Variants in SLIT3 observed in about 807,000 individuals in gnomAD.
The protein encoded by SLIT3 is slit guidance ligand 3.
Under a neutral mutation model 184.0 loss-of-function variants are expected in SLIT3, and 68 were observed. The observed-to-expected ratio is 0.37, with a 90% confidence interval of 0.30 to 0.45. The LOEUF (loss-of-function observed/expected upper bound fraction) is 0.45, where lower values mean the gene tolerates loss of function less well. Ranked by LOEUF, SLIT3 falls within the 20% of genes least tolerant of loss-of-function variation. The pLI is 1.00. For synonymous variants in SLIT3, 831 were observed against 828.6 expected (o/e 1.00, Z -0.05); for missense variants, 1,707 against 2,026.0 (o/e 0.84, Z 3.02).
intron 20 of SLIT3, among the ~76,000 whole-genome samples, chr5:168,740,624 C>A (rs945827278): frequency 6.6e-6 from 1 of 152,118 alleles, no homozygotes; most frequent in Non-Finnish European, 1.5e-5. Context: ...TTCTTTGACA[C>A]TCATTCTCCT....
At chr5:168,761,471 C>T (rs1427761654) in intron 15 of SLIT3, among the ~76,000 whole-genome samples, 1 of 152,056 alleles carries the variant, frequency 6.6e-6, no homozygotes, top group Non-Finnish European at 1.5e-5. Context: ...AGACCACTAC[C>T]ACTCATCCAG....
At chr5:169,183,488 C>G (rs297878) in intron 4 of SLIT3, among the ~76,000 whole-genome samples, 120,396 of 152,068 alleles carry the variant, frequency 0.79, 47,947 homozygotes, top group East Asian at 0.87. Flanking sequence ...GTTGGTCCCA[C>G]ATTTCACCAT....
At chr5:169,292,137 C>T (rs553390658) in intron 1 of SLIT3, among the ~76,000 whole-genome samples, 5 of 152,164 alleles carry the variant, frequency 3.3e-5, no homozygotes, top group Non-Finnish European at 5.9e-5. Flanking sequence ...GTGCCCGATG[C>T]CAATGTGTAC....
rs1215437075 is a variant in SLIT3, at chr5:168,665,560, C to A, written c.*894G>T. On this transcript the variant is annotated 3_prime_UTR_variant, in exon 36 of 36. Transcript: ENST00000519560. Reference sequence around the variant, plus strand: ...CTTCCCTCGCCTCCTCTAGGAAGACCCCTCTCCTGGGGAGGAGCAGGAAAA... The same window carrying A: ...CTTCCCTCGCCTCCTCTAGGAAGACACCTCTCCTGGGGAGGAGCAGGAAAA... 6.6e-6 allele frequency: 1 copy of A among 152,280 alleles called. No individual in the cohort carries two copies. Among genetic ancestry groups the A allele is most frequent in the Non-Finnish European group, 1.5e-5 (1 of 68,104 alleles). 9.4% of individuals were successfully genotyped at this position (152,280 alleles called of 1,614,324 possible). A position where few individuals can be genotyped will look rare whatever the true frequency, so the allele number is the denominator to read the frequency against.
intron 3 of SLIT3, among the ~76,000 whole-genome samples, chr5:169,221,057 C>T (rs1028583324): frequency 6.6e-6 from 1 of 152,218 alleles, no homozygotes; most frequent in African/African-American, 2.4e-5. Context: ...GGGTGGGACA[C>T]CCCTGAGATC....
chr5:168,969,649 T>A (rs2113316389), intron 4 of SLIT3, among the ~76,000 whole-genome samples: 1 of 152,320 alleles, frequency 6.6e-6, no homozygotes, highest in East Asian at 1.9e-4. Flanking sequence ...TAGATGGTTT[T>A]CTGACAGGTT....
intron 5 of SLIT3, among the ~76,000 whole-genome samples, chr5:168,872,381 T>C (rs1230620514): frequency 5.3e-5 from 8 of 152,124 alleles, no homozygotes; most frequent in African/African-American, 1.4e-4. Context: ...CGGTGAACTC[T>C]AATGTAAACT....
chr5:168,737,082 C>T lies in SLIT3; in HGVS notation c.2270+11220G>A, dbSNP rs754035039. Among the ~76,000 whole-genome samples, 3 of 152,268 alleles carry T rather than the reference C, an allele frequency of 2.0e-5. No homozygotes were observed. In the South Asian group the frequency reaches 6.2e-4, roughly 32 times the overall value. ...TGGTTTGTAGCATAGGCAGGACATTCTTGCTTGCTTTCTTAAAGGCCAGGT... is the reference window on the plus strand; with the variant it reads ...TGGTTTGTAGCATAGGCAGGACATTTTTGCTTGCTTTCTTAAAGGCCAGGT... On this transcript the variant is annotated intron_variant, in intron 20 of 35. Transcript: ENST00000519560.
At chr5:169,214,980 C>T (rs911745514) in intron 3 of SLIT3, among the ~76,000 whole-genome samples, 3 of 152,174 alleles carry the variant, frequency 2.0e-5, no homozygotes, top group Admixed American at 6.5e-5. Context: ...CTGAAAGGGG[C>T]ACCTCCTTGC....
intron 4 of SLIT3, among the ~76,000 whole-genome samples, chr5:168,887,849 C>T (rs1760280286): frequency 6.6e-6 from 1 of 152,144 alleles, no homozygotes; most frequent in African/African-American, 2.4e-5. Flanking sequence ...ATTGACATTG[C>T]TGAAAATGTC....
chr5:168,823,113 C>A (rs905220920), intron 7 of SLIT3, 147 bp downstream of exon 7: 1 of 738,982 alleles, frequency 1.4e-6, no homozygotes, highest in Admixed American at 1.8e-5. Context: ...GCCAAGGCAC[C>A]CCTTGGTTAA....
chr5:168,897,647 T>TGCGCGCGCACACACACAC (rs3223457), intron 4 of SLIT3, among the ~76,000 whole-genome samples: 2 of 141,414 alleles, frequency 1.4e-5, no homozygotes, highest in African/African-American at 5.2e-5. Flanking sequence ...CAGGTGCACG[T>TGCGCGCGCACACACACAC]ACACACACAC....
intron 4 of SLIT3, among the ~76,000 whole-genome samples, chr5:168,902,081 G>A (rs560940017): frequency 8.5e-4 from 130 of 152,220 alleles, no homozygotes; most frequent in African/African-American, 2.8e-3. Flanking sequence ...TAGTAGAGAC[G>A]GGATTTCACC....
chr5:168,674,543 G>C (rs538921591), intron 32 of SLIT3, among the ~76,000 whole-genome samples: 67 of 147,414 alleles, frequency 4.5e-4, no homozygotes, highest in Non-Finnish European at 8.3e-4. Context: ...CCAGGCTGGA[G>C]TGCAGTAGCA....
At chr5:168,811,905 T>G (rs1757167281) in intron 8 of SLIT3, among the ~76,000 whole-genome samples, 1 of 152,210 alleles carries the variant, frequency 6.6e-6, no homozygotes, top group African/African-American at 2.4e-5. Flanking sequence ...GTGAGGTATC[T>G]GCACTCCCAT....
intron 25 of SLIT3, among the ~76,000 whole-genome samples, chr5:168,709,654 A>C (rs1367321689): frequency 6.6e-6 from 1 of 152,248 alleles, no homozygotes; most frequent in Non-Finnish European, 1.5e-5. Context: ...TTGCAGCAGA[A>C]GTGTAGGACA....
intron 20 of SLIT3, among the ~76,000 whole-genome samples, chr5:168,731,196 A>G (rs1183233068): frequency 2.0e-5 from 3 of 152,076 alleles, no homozygotes; most frequent in Non-Finnish European, 4.4e-5. Flanking sequence ...AAATGGATAA[A>G]TTCCCGGAAG....
chr5:168,992,534 T>C (rs1226852018), intron 4 of SLIT3, among the ~76,000 whole-genome samples: 2 of 152,244 alleles, frequency 1.3e-5, no homozygotes, highest in Admixed American at 6.5e-5. Flanking sequence ...CTTCAAACTC[T>C]TTTTTAAAGC....
intron 4 of SLIT3, among the ~76,000 whole-genome samples, chr5:169,185,068 C>G (rs548684656): frequency 2.6e-5 from 4 of 152,176 alleles, no homozygotes; most frequent in Non-Finnish European, 5.9e-5. Flanking sequence ...GCCTTCATCC[C>G]TGGCTCTGGC....
Sources: allele counts gnomAD v4.1 joint callset (sites outside exome capture counted in the v4.1 genomes callset), GRCh38; gene constraint gnomAD v4.1.1; transcripts MANE v1.5; gene names NCBI Gene and HGNC (gene_info 2026-07-23, HGNC 2026-07-21).